The following SLC8A2 variants were observed in gnomAD, a reference collection of about 807,000 sequenced individuals.
The protein encoded by SLC8A2 is solute carrier family 8 member A2, also known as sodium/calcium exchanger 2.
Under a neutral mutation model 70.2 loss-of-function variants are expected in SLC8A2, and 14 were observed. The observed-to-expected ratio is 0.20, with a 90% confidence interval of 0.13 to 0.31. The LOEUF is 0.31. Among genes scored for constraint, SLC8A2 ranks in the 10% least tolerant of loss-of-function variants. The pLI is 1.00. For missense variants in SLC8A2, 779 were observed against 1,320.1 expected, an observed-to-expected ratio of 0.59 and a Z score of 6.35; for synonymous variants, 575 against 594.3, an observed-to-expected ratio of 0.97 and a Z score of 0.47.
chr19:47,441,897 A>G (rs1967104378), intron 4 of SLC8A2, among the ~76,000 whole-genome samples: 1 of 152,192 alleles, frequency 6.6e-6, no homozygotes, highest in African/African-American at 2.4e-5. Flanking sequence ...AGGTCAAGAG[A>G]TTGAGACCAT....
At chr19:47,469,401 GCT>G (rs1376469281) in intron 1 of SLC8A2, among the ~76,000 whole-genome samples, 4 of 152,052 alleles carry the variant, frequency 2.6e-5, no homozygotes, top group Admixed American at 6.6e-5. Context: ...ACCAAACCCC[GCT>G]CTCTCTGGGA....
chr19:47,455,447 T>C (rs773668063), intron 3 of SLC8A2, among the ~76,000 whole-genome samples: 2 of 152,236 alleles, frequency 1.3e-5, no homozygotes, highest in African/African-American at 2.4e-5. Context: ...ACTGCCTGTC[T>C]TTCCCAGGAG....
intron 3 of SLC8A2, among the ~76,000 whole-genome samples, chr19:47,453,523 G>T (rs955795137): frequency 6.6e-6 from 1 of 152,174 alleles, no homozygotes. Flanking sequence ...TCCAGGATAG[G>T]AAATCAAGGA....
rs1967314826 is a variant in SLC8A2 at position 47,457,105 on chromosome 19, C to G, written c.1165G>C (p.Glu389Gln). Residue 389 changes from glutamate to glutamine, a missense_variant, in exon 3 of 10, where the codon GAA becomes CAA. This residue lies in a region of SLC8A2 where 186 missense variants were observed against 246.6 expected (regional missense o/e 0.75). Coordinates refer to ENST00000236877, the MANE Select transcript of SLC8A2 (RefSeq NM_015063.3). The part of the protein sequence containing the change: ...AAPAEGAGED[E>Q]DDGASRIFFE... ...AAGATGCGGCTGGCGCCGTCGTCTT[C>G]GTCCTCGCCCGCGCCCTCGGCCGGC... The G allele has an allele frequency of 5.8e-6, 9 of 1,555,080 alleles. No individual in the cohort carries two copies. Among genetic ancestry groups the G allele is most frequent in the Non-Finnish European group, 7.0e-6 (8 of 1,150,212 alleles).
chr19:47,458,582 C>G (rs1447100203), intron 2 of SLC8A2, among the ~76,000 whole-genome samples: 3 of 150,584 alleles, frequency 2.0e-5, no homozygotes, highest in Non-Finnish European at 4.4e-5. Flanking sequence ...CTGTTCATCT[C>G]TGCCTCTCCC....
Position 47,457,120 on chromosome 19 carries a change from C to T in SLC8A2, c.1150G>A (p.Gly384Ser), listed in dbSNP as rs1967315498. ...DASRRAAPAE[G>S]AGEDEDDGAS... ...CCGTCGTCTTCGTCCTCGCCCGCGC[C>T]CTCGGCCGGCGCCGCCCTGCGCGAG... The change falls in exon 3 of 10, where the codon GGC (glycine) becomes AGC (serine). Residue 384 changes from glycine (G) to serine (S), a missense_variant. Coordinates refer to ENST00000236877, the MANE Select transcript of SLC8A2 (RefSeq NM_015063.3). 5 of 1,548,048 alleles carry T rather than the reference C, an allele frequency of 3.2e-6. No homozygotes were observed. The African/African-American group carries it at 5.5e-5, about 17-fold the overall frequency.
chr19:47,433,669 A>G (rs1459400064), intron 8 of SLC8A2, among the ~76,000 whole-genome samples: 2 of 144,778 alleles, frequency 1.4e-5, no homozygotes, highest in Admixed American at 6.9e-5. Flanking sequence ...TTTTTTTTTG[A>G]GACAGAGCCT....
rs2280692 is a variant in SLC8A2 at position 47,428,756 on chromosome 19, T to C, written c.*1333A>G. 0.64 allele frequency: 97,184 copies of C among 152,260 alleles called. 35,551 individuals carry two copies. Among genetic ancestry groups the C allele is most frequent in the Non-Finnish European group, 0.8 (54,697 of 67,960 alleles). 9.4% of individuals were successfully genotyped at this position (152,260 alleles called of 1,614,324 possible). A position where few individuals can be genotyped will look rare whatever the true frequency, so the allele number is the denominator to read the frequency against. ...GATGAGCTGGGGGAGAGAAGGGTAG[T>C]GGGTAACGGGTCTGGGATGTTGGGG... On this transcript the variant is annotated 3_prime_UTR_variant, in exon 10 of 10. Transcript: ENST00000236877.
chr19:47,457,136 C>G lies in SLC8A2; in HGVS notation c.1134G>C (p.Arg378Ser). The G allele has an allele frequency of 6.5e-7, 1 of 1,543,858 alleles. No homozygotes were observed. The highest frequency in any genetic ancestry group is 1.2e-5 in the South Asian group (1 of 83,446). The change falls in exon 3 of 10, where the codon AGG (arginine) becomes AGC (serine). Residue 378 changes from arginine to serine, a missense_variant. By Grantham distance (110) the Arg-to-Ser change is moderately radical. Around this residue, in one of 6 missense-constraint regions of SLC8A2, gnomAD observed 186 missense variants for 246.6 expected, o/e 0.75. Transcript: ENST00000236877. Reference protein sequence around the residue: ...LRRHAADASRRAAPAEGAGED... With the variant: ...LRRHAADASRSAAPAEGAGED... ...CGCCCGCGCCCTCGGCCGGCGCCGC[C>G]CTGCGCGAGGCGTCCGCCGCGTGTC... is the stretch of plus-strand genomic sequence containing the variant.
chr19:47,459,848 A>G (rs1253999790), intron 2 of SLC8A2, among the ~76,000 whole-genome samples: 1 of 151,964 alleles, frequency 6.6e-6, no homozygotes, highest in Admixed American at 6.6e-5. Context: ...CTCTTCATCC[A>G]TCTATCCACC....
chr19:47,435,011 C>T (rs1967008219), intron 8 of SLC8A2, among the ~76,000 whole-genome samples: 1 of 152,112 alleles, frequency 6.6e-6, no homozygotes, highest in South Asian at 2.1e-4. Context: ...GAGTTCAAGA[C>T]CAGTCCGGCC....
chr19:47,447,661 C>G lies in SLC8A2; in HGVS notation c.1763+148G>C. 2 of 807,604 alleles carry G rather than the reference C, an allele frequency of 2.5e-6. No homozygotes were observed. Among genetic ancestry groups the G allele is most frequent in the Non-Finnish European group, 3.7e-6 (2 of 546,724 alleles). 50.0% of individuals were successfully genotyped at this position (807,604 alleles called of 1,614,324 possible). A position where few individuals can be genotyped will look rare whatever the true frequency, so the allele number is the denominator to read the frequency against. ...ACAGGCCCCGCCCACGTTGCGGGCA[C>G]GGCCACGCAGGCCCCTCCCCTCCCG... On this transcript the variant is annotated intron_variant, in intron 4 of 9. Transcript: ENST00000236877. The surrounding 1 kb of genome is among the most constrained non-coding windows in gnomAD (Gnocchi z 5.1).
At chr19:47,450,541 A>C (rs1967221601) in intron 3 of SLC8A2, among the ~76,000 whole-genome samples, 5 of 152,046 alleles carry the variant, frequency 3.3e-5, no homozygotes, top group Admixed American at 3.3e-4. Context: ...GGGGGCGGGG[A>C]GTCAGGCTCC....
intron 1 of SLC8A2, among the ~76,000 whole-genome samples, chr19:47,470,213 C>A (rs1431572293): frequency 6.6e-6 from 1 of 152,152 alleles, no homozygotes; most frequent in Non-Finnish European, 1.5e-5. Context: ...GGCTGTGATA[C>A]ACTGATAATA....
chr19:47,430,251 C>T lies in SLC8A2; in HGVS notation c.2604G>A (p.Val868=). 1 of 1,612,104 alleles carries T rather than the reference C, an allele frequency of 6.2e-7. No homozygotes were observed. The highest frequency in any genetic ancestry group is 8.5e-7 in the Non-Finnish European group (1 of 1,179,112). The stretch of plus-strand genomic sequence containing the variant: ...GCCGGTACAGCAGCACGGCAATGCC[C>T]ACGAAGGCGAAGACGGTGAAGAGCG... ...SVTLFTVFAF[V]GIAVLLYRRR... The change falls in exon 10 of 10, where the codon GTG becomes GTA. Residue 868 remains valine, a synonymous_variant. Transcript: ENST00000236877. The surrounding 1 kb of genome is among the most constrained non-coding windows in gnomAD (Gnocchi z 5.9).
chr19:47,470,311 C>T (rs564627065), intron 1 of SLC8A2, among the ~76,000 whole-genome samples: 32 of 151,472 alleles, frequency 2.1e-4, no homozygotes, highest in African/African-American at 7.8e-4. Flanking sequence ...CACTGTCACA[C>T]AGGGCTGGGA....
At chr19:47,437,670 T>A in intron 7 of SLC8A2, 109 bp from the exon 8 acceptor site, 2 of 1,159,458 alleles carry the variant, frequency 1.7e-6, no homozygotes, top group Non-Finnish European at 1.3e-6. Flanking sequence ...GGTCCTCAAC[T>A]TTCCACACCC....
rs1369461259 is a variant in SLC8A2, at chr19:47,466,878, G to C, written c.-16-459C>G. Among the ~76,000 whole-genome samples, 1 of 152,082 alleles carries C rather than the reference G, an allele frequency of 6.6e-6. No homozygotes were observed. Among genetic ancestry groups the C allele is most frequent in the Non-Finnish European group, 1.5e-5 (1 of 68,036 alleles). ...TTGAGACCAGCCTGGCCAACATGGT[G>C]AAACCCCGTCTCTACTAAAAATACA... On this transcript the variant is annotated intron_variant, in intron 1 of 9. Coordinates refer to ENST00000236877, the MANE Select transcript of SLC8A2 (RefSeq NM_015063.3). This position sits in a 1 kb window ranked among gnomAD's most constrained non-coding sequence, Gnocchi z 6.9.
At chr19:47,439,560 C>T (rs1017257945) in intron 6 of SLC8A2, among the ~76,000 whole-genome samples, 1 of 151,552 alleles carries the variant, frequency 6.6e-6, no homozygotes, top group African/African-American at 2.4e-5. Flanking sequence ...AAACAAAAAA[C>T]AACTTTGCCT....
Sources: gnomAD v4.1 joint callset for allele counts (sites outside exome capture counted in the v4.1 genomes callset) on GRCh38, gnomAD v4.1.1 for gene constraint, gnomAD v4.1.1 regional missense constraint, Gnocchi (gnomAD v3.1) non-coding constraint, MANE v1.5 for transcripts, NCBI Gene and HGNC (gene_info 2026-07-23, HGNC 2026-07-21) for gene names.